The following DOCK9 variants were observed in gnomAD, a reference collection of about 807,000 sequenced individuals.
The protein encoded by DOCK9 is dedicator of cytokinesis 9, also known as dedicator of cytokinesis protein 9.
In DOCK9, 89 loss-of-function variants were observed where a neutral mutation model predicts 263.3. That is an observed-to-expected ratio of 0.34 (90% confidence interval 0.28 to 0.40). The LOEUF (loss-of-function observed/expected upper bound fraction) is 0.40, where lower values mean the gene tolerates loss of function less well. DOCK9 is among the 10% of genes least tolerant of loss of function. The pLI is 1.00. For missense variants in DOCK9, 2,140 were observed against 2,603.4 expected, an observed-to-expected ratio of 0.82 and a Z score of 3.87; for synonymous variants, 976 against 973.1, an observed-to-expected ratio of 1.00 and a Z score of -0.06.
chr13:99,014,479 C>G (rs566568014), intron 1 of DOCK9, among the ~76,000 whole-genome samples: 1 of 152,162 alleles, frequency 6.6e-6, no homozygotes, highest in Admixed American at 6.5e-5. Context: ...TAAGACCCTC[C>G]ATAAAATGCA....
intron 32 of DOCK9, 30 bp downstream of exon 32, chr13:98,862,984 ATATAG>A: frequency 6.4e-7 from 1 of 1,555,472 alleles, no homozygotes; most frequent in East Asian, 2.4e-5. Flanking sequence ...CCGGGACCTG[ATATAG>A]GCTGAGTTAA....
chr13:98,929,927 T>C (rs2140271968), intron 3 of DOCK9, among the ~76,000 whole-genome samples: 1 of 152,298 alleles, frequency 6.6e-6, no homozygotes, highest in Middle Eastern at 3.4e-3. Context: ...TAGTCAGATA[T>C]AGCCCCCTCC....
At chr13:98,828,960 A>G (rs2092654965) in intron 43 of DOCK9, among the ~76,000 whole-genome samples, 1 of 152,222 alleles carries the variant, frequency 6.6e-6, no homozygotes, top group Non-Finnish European at 1.5e-5. Flanking sequence ...AACACCTGTC[A>G]TTACCTTAAA....
chr13:99,029,041 G>A (rs556719784), intron 1 of DOCK9, among the ~76,000 whole-genome samples: 1 of 152,326 alleles, frequency 6.6e-6, no homozygotes, highest in East Asian at 1.9e-4. Flanking sequence ...GGGGACACTA[G>A]AGGGAGACTA....
intron 2 of DOCK9, among the ~76,000 whole-genome samples, chr13:98,936,503 C>T (rs868032225): frequency 6.6e-6 from 1 of 151,628 alleles, no homozygotes; most frequent in Non-Finnish European, 1.5e-5. Flanking sequence ...GCCTCGAGTC[C>T]AAGCTACTCA....
chr13:98,980,503 CAGTCAGCAATTAA>C (rs1397283603), upstream of DOCK9, among the ~76,000 whole-genome samples: 3 of 152,228 alleles, frequency 2.0e-5, no homozygotes, highest in African/African-American at 7.2e-5. Flanking sequence ...TACCAATCAC[CAGTCAGCAATTAA>C]AGACAGCAGC....
chr13:99,022,448 T>A (rs1387219853), intron 1 of DOCK9, among the ~76,000 whole-genome samples: 6 of 152,254 alleles, frequency 3.9e-5, no homozygotes, highest in Admixed American at 3.9e-4. Flanking sequence ...AATGTCAGGG[T>A]GGCAAACAGT....
chr13:98,854,164 C>T (rs16955958), intron 34 of DOCK9, among the ~76,000 whole-genome samples: 22,812 of 151,972 alleles, frequency 0.15, 1,841 homozygotes, highest in Middle Eastern at 0.24. Context: ...ACACTGCAAA[C>T]GTCAGAAAGC....
At chr13:98,808,455 G>A (rs553330759) in intron 47 of DOCK9, among the ~76,000 whole-genome samples, 2 of 152,088 alleles carry the variant, frequency 1.3e-5, no homozygotes, top group Non-Finnish European at 2.9e-5. Flanking sequence ...AAGTCCAACT[G>A]GGGTTAATGT....
intron 27 of DOCK9, among the ~76,000 whole-genome samples, chr13:98,875,090 A>T (rs1274271181): frequency 6.6e-6 from 1 of 152,188 alleles, no homozygotes; most frequent in Non-Finnish European, 1.5e-5. Context: ...TAAATCTATG[A>T]TTCTTGAAGC....
chr13:99,086,226 G>A (rs1018328936), exon 1 of DOCK9: 2 of 1,502,530 alleles, frequency 1.3e-6, no homozygotes, highest in African/African-American at 2.9e-5. Context: ...CACTCACCAG[G>A]AGCACGGAGC....
intron 1 of DOCK9, among the ~76,000 whole-genome samples, chr13:99,044,066 C>T (rs142054575): frequency 0.013 from 2,028 of 152,322 alleles, 35 homozygotes; most frequent in South Asian, 0.057. Flanking sequence ...GACAGATTAG[C>T]TCTGCTCTAA....
chr13:98,927,336 C>T (rs965577572), intron 3 of DOCK9, among the ~76,000 whole-genome samples: 11 of 152,062 alleles, frequency 7.2e-5, no homozygotes, highest in Non-Finnish European at 1.0e-4. Context: ...CAGAATAATC[C>T]ATAGTTTTGG....
At chr13:98,959,154 C>A (rs186344135) in intron 1 of DOCK9, among the ~76,000 whole-genome samples, 70 of 152,372 alleles carry the variant, frequency 4.6e-4, no homozygotes, top group African/African-American at 1.6e-3. Flanking sequence ...GGACAGGACA[C>A]AGTCTTCTGT....
intron 1 of DOCK9, among the ~76,000 whole-genome samples, chr13:99,082,433 C>T (rs2142489015): frequency 1.3e-5 from 2 of 150,314 alleles, no homozygotes; most frequent in South Asian, 4.2e-4. Context: ...GCAGGAGAAC[C>T]ACTTGAACCC....
chr13:99,063,019 G>A (rs1003049463), intron 1 of DOCK9, among the ~76,000 whole-genome samples: 22 of 152,118 alleles, frequency 1.4e-4, no homozygotes, highest in African/African-American at 5.3e-4. Flanking sequence ...GTCAGATAAG[G>A]GACCGAATTA....
intron 1 of DOCK9, among the ~76,000 whole-genome samples, chr13:99,016,842 A>G (rs1405586962): frequency 6.6e-6 from 1 of 152,238 alleles, no homozygotes; most frequent in African/African-American, 2.4e-5. Flanking sequence ...AAGGCAACAG[A>G]TAATTTCATT....
chr13:99,071,551 G>A (rs980696530), intron 1 of DOCK9, among the ~76,000 whole-genome samples: 2 of 151,892 alleles, frequency 1.3e-5, no homozygotes, highest in Middle Eastern at 3.4e-3. Flanking sequence ...GGTCTTCATC[G>A]TCTTCATAGT....
At chr13:98,878,021 A>C (rs1184716442) in intron 27 of DOCK9, among the ~76,000 whole-genome samples, 1 of 152,170 alleles carries the variant, frequency 6.6e-6, no homozygotes, top group Non-Finnish European at 1.5e-5. Flanking sequence ...CTTTGGGCCA[A>C]GGTTTTAAAA....
Sources: allele counts gnomAD v4.1 joint callset (sites outside exome capture counted in the v4.1 genomes callset), GRCh38; gene constraint gnomAD v4.1.1; transcripts MANE v1.5; gene names NCBI Gene and HGNC (gene_info 2026-07-23, HGNC 2026-07-21).